Variants in FAF1 observed in about 807,000 individuals in gnomAD.
FAF1 encodes the protein FAS-associated factor 1.
FAF1 carries 25 observed loss-of-function variants against 92.5 expected under a neutral mutation model. The ratio of observed to expected loss-of-function variants is 0.27; its 90% CI spans 0.20 to 0.38. The LOEUF is 0.38. FAF1 is among the 10% of genes least tolerant of loss of function. The pLI is 1.00. For synonymous variants in FAF1, 234 were observed against 273.2 expected (o/e 0.86, Z 1.42); for missense variants, 636 against 793.3 (o/e 0.80, Z 2.38).
At chr1:50,870,397 C>T (rs1453059411) in intron 1 of FAF1, among the ~76,000 whole-genome samples, 1 of 152,220 alleles carries the variant, frequency 6.6e-6, no homozygotes, top group East Asian at 1.9e-4. Context: ...GCACAAGTTG[C>T]AGAGAGCCGA....
intron 2 of FAF1, 60 bp downstream of exon 2, chr1:50,857,869 A>G (rs1481885071): frequency 3.8e-6 from 4 of 1,052,104 alleles, no homozygotes; most frequent in Non-Finnish European, 4.3e-6. Flanking sequence ...AAAAATAATT[A>G]AAGACATTCA....
At chr1:50,649,045 G>A (rs1654728489) in intron 8 of FAF1, among the ~76,000 whole-genome samples, 1 of 152,150 alleles carries the variant, frequency 6.6e-6, no homozygotes, top group Non-Finnish European at 1.5e-5. Flanking sequence ...GCCTCCCAAA[G>A]TGCTGGGATT....
intron 1 of FAF1, among the ~76,000 whole-genome samples, chr1:50,937,548 T>C (rs1036127280): frequency 6.6e-6 from 1 of 152,094 alleles, no homozygotes; most frequent in East Asian, 1.9e-4. Flanking sequence ...TGAGGAAAGA[T>C]ACAGAAGGGA....
At chr1:50,862,091 C>A (rs1644439550) in intron 1 of FAF1, among the ~76,000 whole-genome samples, 1 of 150,078 alleles carries the variant, frequency 6.7e-6, no homozygotes, top group Non-Finnish European at 1.5e-5. Flanking sequence ...AACTGCAACC[C>A]ACAGAAAGCA....
intron 2 of FAF1, among the ~76,000 whole-genome samples, chr1:50,819,638 T>TCA (rs375892280): frequency 0.11 from 10,289 of 97,736 alleles, 1,272 homozygotes; most frequent in African/African-American, 0.2. Context: ...ACTGACTCAC[T>TCA]CACACACACA....
intron 8 of FAF1, among the ~76,000 whole-genome samples, chr1:50,624,628 GAAAAGGAAAACAA>G (rs1653405675): frequency 6.6e-6 from 1 of 152,070 alleles, no homozygotes; most frequent in Admixed American, 6.5e-5. Flanking sequence ...TTCAACATAT[GAAAAGGAAAACAA>G]AAAAGGAAAA....
intron 7 of FAF1, among the ~76,000 whole-genome samples, chr1:50,683,655 G>A (rs568514728): frequency 1.6e-4 from 25 of 151,938 alleles, no homozygotes; most frequent in Admixed American, 1.1e-3. Context: ...GTTTTTGGCC[G>A]GGTGCAGTGG....
At chr1:50,922,159 T>G (rs1221870217) in intron 1 of FAF1, among the ~76,000 whole-genome samples, 1 of 146,120 alleles carries the variant, frequency 6.8e-6, no homozygotes, top group Non-Finnish European at 1.5e-5. Flanking sequence ...AGAGAGAGAC[T>G]CCGTCTCAAA....
At position 50,633,955 on chromosome 1, in the gene FAF1, A is replaced by T. The variant is rs1653901402; in HGVS notation, c.744+21487T>A. ...ATGTTGATCACAATTGTCAACAAAC[A>T]TACAATAAAAGAACAAAAAGACTTT... On this transcript the variant is annotated intron_variant, in intron 8 of 18. Coordinates refer to ENST00000396153, the MANE Select transcript of FAF1 (RefSeq NM_007051.3). 2.0e-5 allele frequency among the ~76,000 whole-genome samples: 3 copies of T among 152,248 alleles called. No individual in the cohort carries two copies. In the South Asian group the frequency reaches 6.2e-4, roughly 32 times the overall value.
intron 1 of FAF1, among the ~76,000 whole-genome samples, chr1:50,948,644 C>A (rs540417037): frequency 6.6e-6 from 1 of 151,442 alleles, no homozygotes; most frequent in Admixed American, 6.6e-5. Context: ...GCGATTCTCA[C>A]GCCTCAGCCT....
chr1:50,668,451 T>A (rs1025809415), intron 7 of FAF1, among the ~76,000 whole-genome samples: 1 of 152,218 alleles, frequency 6.6e-6, no homozygotes, highest in African/African-American at 2.4e-5. Flanking sequence ...TCTCAGAGAT[T>A]TGTAGGCAGG....
At position 50,620,575 on chromosome 1, in the gene FAF1, A is replaced by T. The variant is rs773997635; in HGVS notation, c.745-24359T>A. On this transcript the variant is annotated intron_variant, in intron 8 of 18. Coordinates refer to ENST00000396153, the MANE Select transcript of FAF1 (RefSeq NM_007051.3). ...TCATTGCAGTCATTTTGGAATGGTT[A>T]AGAACCATTGTTGGGAAACTAGTGG... Among the ~76,000 whole-genome samples, 45 of 152,198 alleles carry T rather than the reference A, an allele frequency of 3.0e-4. 1 individual carries two copies. The highest frequency in any genetic ancestry group is 5.9e-4 in the Non-Finnish European group (40 of 68,032).
At chr1:50,954,740 A>G (rs1180945425) in intron 1 of FAF1, among the ~76,000 whole-genome samples, 1 of 151,816 alleles carries the variant, frequency 6.6e-6, no homozygotes, top group Non-Finnish European at 1.5e-5. Flanking sequence ...GCAGGGTTCC[A>G]CCATCTTGGC....
At chr1:50,535,047 T>C (rs1177230760) in intron 15 of FAF1, among the ~76,000 whole-genome samples, 2 of 152,186 alleles carry the variant, frequency 1.3e-5, no homozygotes, top group Non-Finnish European at 2.9e-5. Flanking sequence ...AAAATCCATA[T>C]AGTAGACATA....
intron 3 of FAF1, among the ~76,000 whole-genome samples, chr1:50,800,011 A>C (rs1272090491): frequency 2.0e-5 from 3 of 152,182 alleles, no homozygotes; most frequent in Non-Finnish European, 4.4e-5. Context: ...ACTAGATACA[A>C]CTGATTTTCT....
chr1:50,652,385 C>T (rs1654908105), intron 8 of FAF1, among the ~76,000 whole-genome samples: 1 of 152,174 alleles, frequency 6.6e-6, no homozygotes, highest in South Asian at 2.1e-4. Context: ...GTATAAGGCA[C>T]TATTTTACAG....
intron 1 of FAF1, among the ~76,000 whole-genome samples, chr1:50,872,000 G>A (rs1311473864): frequency 6.6e-6 from 1 of 150,384 alleles, no homozygotes; most frequent in Middle Eastern, 3.2e-3. Flanking sequence ...GGGAGGCGGA[G>A]GTTGCAGTGA....
intron 18 of FAF1, among the ~76,000 whole-genome samples, chr1:50,446,222 C>T (rs1013221425): frequency 6.6e-6 from 1 of 152,210 alleles, no homozygotes; most frequent in African/African-American, 2.4e-5. Context: ...GGAGCAGACG[C>T]AGCACTGCAT....
At position 50,646,928 on chromosome 1, in the gene FAF1, C is replaced by T. The variant is rs546407607; in HGVS notation, c.744+8514G>A. Among the ~76,000 whole-genome samples the T allele has an allele frequency of 8.5e-5, 13 of 152,334 alleles. No individual in the cohort carries two copies. The South Asian group carries it at 2.7e-3, about 32-fold the overall frequency. On this transcript the variant is annotated intron_variant, in intron 8 of 18. Coordinates refer to ENST00000396153, the MANE Select transcript of FAF1 (RefSeq NM_007051.3). The stretch of plus-strand genomic sequence containing the variant: ...TGGCATGCTCTTGGCTCACTGCAAC[C>T]TCCGCCTCCTAGGTTCAAGCAATTC...
Sources: allele counts gnomAD v4.1 joint callset (sites outside exome capture counted in the v4.1 genomes callset), GRCh38; gene constraint gnomAD v4.1.1; transcripts MANE v1.5; gene names NCBI Gene and HGNC (gene_info 2026-07-23, HGNC 2026-07-21).